Variants in ZNF385D observed in about 807,000 individuals in gnomAD.
The protein encoded by ZNF385D is zinc finger protein 659.
A neutral mutation model predicts 35.8 loss-of-function variants in ZNF385D; 15 were observed. The ratio of observed to expected loss-of-function variants is 0.42; its 90% CI spans 0.28 to 0.64. The LOEUF (loss-of-function observed/expected upper bound fraction) is 0.64, where lower values mean the gene tolerates loss of function less well. ZNF385D is among the 30% of genes least tolerant of loss of function. The pLI is 0.23. For synonymous variants in ZNF385D, 212 were observed against 186.8 expected (o/e 1.13, Z -1.10); for missense variants, 474 against 494.6 (o/e 0.96, Z 0.39).
At chr3:22,311,256 TAATTC>T (rs1703532481) in intron 2 of ZNF385D, among the ~76,000 whole-genome samples, 1 of 152,046 alleles carries the variant, frequency 6.6e-6, no homozygotes, top group South Asian at 2.1e-4. Flanking sequence ...TTAAACACTT[TAATTC>T]AAGTTTACTT....
intron 2 of ZNF385D, among the ~76,000 whole-genome samples, chr3:22,350,472 G>C (rs1458994444): frequency 6.6e-6 from 1 of 152,002 alleles, no homozygotes. Flanking sequence ...TTCTAACTAT[G>C]AGCATTTGTA....
chr3:21,422,528 A>T (rs1447872317), intron 7 of ZNF385D, among the ~76,000 whole-genome samples: 1 of 152,160 alleles, frequency 6.6e-6, no homozygotes, highest in African/African-American at 2.4e-5. Context: ...AACCTGGCAG[A>T]GACAAAACAA....
rs1339985604 is a variant in ZNF385D, at chr3:22,095,509, C to CT, written c.325+73307dup. ...CAATGCTCTCAAGCTATTGATCTATCTTCTGATTCAATATGATACTCTAGA... is the reference window on the plus strand; with the variant it reads ...CAATGCTCTCAAGCTATTGATCTATCTTTCTGATTCAATATGATACTCTAGA... On this transcript the variant is annotated intron_variant, in intron 3 of 5. Transcript: ENST00000494108. Among the ~76,000 whole-genome samples the CT allele has an allele frequency of 2.6e-5, 4 of 152,066 alleles. No individual in the cohort carries two copies. The East Asian group carries it at 7.7e-4, about 29-fold the overall frequency.
intron 4 of ZNF385D, among the ~76,000 whole-genome samples, chr3:21,446,140 A>G (rs1702135082): frequency 6.6e-6 from 1 of 152,194 alleles, no homozygotes; most frequent in Non-Finnish European, 1.5e-5. Flanking sequence ...TGCATTTCTA[A>G]CAAGTTCCCA....
rs188931873 is a variant in ZNF385D at position 21,660,881 on chromosome 3, C to T, written c.165+4005G>A. On this transcript the variant is annotated intron_variant, in intron 2 of 7. Transcript: ENST00000281523. ...ACAGAGACAGTCAGCTTTTCTGATT[C>T]TGCATAGTGCTTTTCATTCTATCAC... 1.1e-4 allele frequency among the ~76,000 whole-genome samples: 17 copies of T among 152,304 alleles called. 1 individual carries two copies. The highest frequency in any genetic ancestry group is 4.1e-4 in the African/African-American group (17 of 41,564).
At chr3:21,686,693 A>G (rs547808083) in intron 1 of ZNF385D, among the ~76,000 whole-genome samples, 5 of 152,242 alleles carry the variant, frequency 3.3e-5, no homozygotes, top group African/African-American at 1.2e-4. Flanking sequence ...TTAAGTGTGC[A>G]GTCGCCACAT....
intron 2 of ZNF385D, among the ~76,000 whole-genome samples, chr3:22,171,188 G>A (rs913427678): frequency 6.6e-6 from 1 of 152,158 alleles, no homozygotes; most frequent in African/African-American, 2.4e-5. Context: ...GCTTAGGTTT[G>A]CCAGAATTAG....
intron 2 of ZNF385D, among the ~76,000 whole-genome samples, chr3:21,583,664 CCATACTTTTCTA>C (rs2063728549): frequency 6.6e-6 from 1 of 151,592 alleles, no homozygotes; most frequent in African/African-American, 2.4e-5. Context: ...TGTCTTTTTT[CCATACTTTTCTA>C]CATAGTCTTT....
At chr3:21,610,697 C>T (rs2064646133) in intron 2 of ZNF385D, among the ~76,000 whole-genome samples, 1 of 151,936 alleles carries the variant, frequency 6.6e-6, no homozygotes, top group South Asian at 2.1e-4. Context: ...ATGGTGTGAA[C>T]CCAGGAGGCG....
chr3:21,437,281 A>G lies in ZNF385D; in HGVS notation c.440-78T>C. The G allele has an allele frequency of 3.0e-6, 4 of 1,333,968 alleles. No homozygotes were observed. The Middle Eastern group carries it at 5.7e-4, about 192-fold the overall frequency. The allele number at this position is 1,333,968 out of a possible 1,614,324, so 82.6% of individuals were successfully genotyped here. ...CCCTATTCAGGAATGTATCATGAAT[A>G]TTGCATTCTGCTTATAATGATAAGA... On this transcript the variant is annotated intron_variant, in intron 4 of 7. Transcript: ENST00000281523.
chr3:21,997,097 C>T (rs1695510614), intron 3 of ZNF385D, among the ~76,000 whole-genome samples: 1 of 151,638 alleles, frequency 6.6e-6, no homozygotes. Context: ...TGGAACCAAC[C>T]CAAATGTCCA....
chr3:21,964,027 T>G (rs917218155), intron 3 of ZNF385D, among the ~76,000 whole-genome samples: 1 of 152,116 alleles, frequency 6.6e-6, no homozygotes, highest in Non-Finnish European at 1.5e-5. Context: ...TTCATTTAAT[T>G]GCGGGCAAAG....
intron 2 of ZNF385D, among the ~76,000 whole-genome samples, chr3:21,575,170 TTGGAG>T (rs1299854381): frequency 6.6e-6 from 1 of 152,132 alleles, no homozygotes; most frequent in East Asian, 1.9e-4. Context: ...TCAAAATAAT[TTGGAG>T]TGATGTAGCC....
At chr3:21,837,787 G>C (rs1342792000) in intron 3 of ZNF385D, among the ~76,000 whole-genome samples, 1 of 151,410 alleles carries the variant, frequency 6.6e-6, no homozygotes, top group Non-Finnish European at 1.5e-5. Context: ...CAAGAGAATT[G>C]CTTGAACCCG....
chr3:21,822,009 T>A (rs2125737307), intron 3 of ZNF385D, among the ~76,000 whole-genome samples: 1 of 151,874 alleles, frequency 6.6e-6, no homozygotes, highest in East Asian at 1.9e-4. Flanking sequence ...TTTAGCCAAC[T>A]TTTTTATTGC....
intron 2 of ZNF385D, among the ~76,000 whole-genome samples, chr3:22,299,274 T>C (rs370948243): frequency 6.3e-4 from 96 of 151,960 alleles, no homozygotes; most frequent in African/African-American, 1.9e-3. Flanking sequence ...GGTATACCAA[T>C]TGAACAAAAA....
At chr3:22,112,829 C>G (rs970318973) in intron 3 of ZNF385D, among the ~76,000 whole-genome samples, 2 of 149,522 alleles carry the variant, frequency 1.3e-5, no homozygotes, top group East Asian at 2.0e-4. Flanking sequence ...TGAACTGTCA[C>G]CCTTCCTATG....
At chr3:21,693,219 A>G (rs1034124302) in intron 1 of ZNF385D, among the ~76,000 whole-genome samples, 13 of 152,132 alleles carry the variant, frequency 8.5e-5, no homozygotes, top group Non-Finnish European at 1.6e-4. Flanking sequence ...CTACGGTGAC[A>G]CTCATACCCA....
Position 22,324,594 on chromosome 3 carries a change from A to G in ZNF385D, c.106+47856T>C, listed in dbSNP as rs562254137. 4.6e-5 allele frequency among the ~76,000 whole-genome samples: 7 copies of G among 152,326 alleles called. No individual in the cohort carries two copies. The East Asian group carries it at 5.8e-4, about 13-fold the overall frequency. The stretch of plus-strand genomic sequence containing the variant: ...ATCCTATGAGCATTTTCAGCATGCT[A>G]AAGATTTCAGTATGCTCCCCCAAAT... On this transcript the variant is annotated intron_variant, in intron 2 of 5. Coordinates refer to the ZNF385D transcript ENST00000494108.
Sources: allele counts gnomAD v4.1 joint callset (sites outside exome capture counted in the v4.1 genomes callset), GRCh38; gene constraint gnomAD v4.1.1; transcripts MANE v1.5; gene names NCBI Gene and HGNC (gene_info 2026-07-23, HGNC 2026-07-21).